The following PRR23E variants were observed in gnomAD, a reference collection of about 807,000 sequenced individuals.
The protein encoded by PRR23E is PRR23 family member E.
the PRR23E span, chr3:127,196,658 G>A: frequency 6.4e-7 from 1 of 1,556,556 alleles, no homozygotes; most frequent in South Asian, 1.2e-5. Flanking sequence ...AGACACTTCG[G>A]GGCTTTGAAG....
the PRR23E span, chr3:127,196,991 G>T: frequency 4.4e-6 from 7 of 1,599,202 alleles, no homozygotes; most frequent in Admixed American, 1.0e-4. Context: ...CTTCAGTGTG[G>T]CTGTATTGGA....
the PRR23E span, chr3:127,197,578 A>C: frequency 2.6e-6 from 1 of 380,904 alleles, no homozygotes; most frequent in Non-Finnish European, 4.0e-6. Flanking sequence ...TCTATTTGCT[A>C]TTTCTCTTTA....
the PRR23E span, chr3:127,196,783 C>T: frequency 2.5e-6 from 4 of 1,597,548 alleles, no homozygotes; most frequent in South Asian, 3.3e-5. Context: ...GCCTCAACCC[C>T]CTGGGTGGCC....
At chr3:127,197,428 C>A in the PRR23E span, 1 of 1,490,736 alleles carries the variant, frequency 6.7e-7, no homozygotes, top group Non-Finnish European at 8.9e-7. Flanking sequence ...GCCCTCTAGA[C>A]CCAGACCCAC....
chr3:127,197,445 A>C, the PRR23E span: 10 of 1,455,472 alleles, frequency 6.9e-6, no homozygotes, highest in African/African-American at 1.4e-5. Context: ...CCACCCAACA[A>C]TCAGAGACAT....
At chr3:127,197,389 CCCGCCG>C in the PRR23E span, 13 of 1,558,094 alleles carry the variant, frequency 8.3e-6, no homozygotes, top group Non-Finnish European at 1.1e-5. Flanking sequence ...CCCTGCAGGG[CCCGCCG>C]CCGCCTCTTT....
At chr3:127,196,958 TC>T in the PRR23E span, 1 of 1,599,406 alleles carries the variant, frequency 6.3e-7, no homozygotes. Flanking sequence ...GGATGGGTTA[TC>T]CCCCTCCAGC....
At chr3:127,197,163 A>G in the PRR23E span, 1 of 1,591,102 alleles carries the variant, frequency 6.3e-7, no homozygotes. Flanking sequence ...GGGATGCTGG[A>G]CTCCAGCCAG....
At chr3:127,197,818 C>G in the PRR23E span, 19 of 158,416 alleles carry the variant, frequency 1.2e-4, no homozygotes, top group Non-Finnish European at 2.2e-4. Context: ...CCAGGACTCT[C>G]TCTGCCCCTC....
chr3:127,197,145 C>G, the PRR23E span: 1 of 1,594,906 alleles, frequency 6.3e-7, no homozygotes. Flanking sequence ...CAGCCACTGT[C>G]CCCAGGTGGG....
chr3:127,196,604 C>T, the PRR23E span: 26 of 1,464,166 alleles, frequency 1.8e-5, no homozygotes, highest in African/African-American at 7.0e-5. Context: ...CCAGGAGCCC[C>T]GTGAGGTGCG....
chr3:127,197,443 C>T, the PRR23E span: 2 of 1,470,438 alleles, frequency 1.4e-6, no homozygotes, highest in East Asian at 2.4e-5. Flanking sequence ...ACCCACCCAA[C>T]AATCAGAGAC....
the PRR23E span, chr3:127,197,354 C>T: frequency 6.3e-7 from 1 of 1,589,898 alleles, no homozygotes. Flanking sequence ...TGGACCCGGG[C>T]TGCTCCCGCT....
chr3:127,197,735 T>C, the PRR23E span: 7 of 210,760 alleles, frequency 3.3e-5, no homozygotes, highest in Non-Finnish European at 6.6e-5. Flanking sequence ...TTAAGCTCAA[T>C]CCAACCTGTA....
chr3:127,197,192 C>G, the PRR23E span: 1 of 1,593,686 alleles, frequency 6.3e-7, no homozygotes, highest in Non-Finnish European at 8.5e-7. Flanking sequence ...CCAGGGCTGC[C>G]GTAGAGGGGC....
the PRR23E span, among the ~76,000 whole-genome samples, chr3:127,196,004 G>C: frequency 1.3e-5 from 2 of 152,130 alleles, no homozygotes; most frequent in Non-Finnish European, 2.9e-5. Flanking sequence ...TCCTCACTGT[G>C]TCAGGTGTGG....
the PRR23E span, among the ~76,000 whole-genome samples, chr3:127,195,172 C>G: frequency 6.6e-6 from 1 of 152,178 alleles, no homozygotes; most frequent in African/African-American, 2.4e-5. Flanking sequence ...CCACTCAGCC[C>G]ACACACACCT....
chr3:127,194,707 T>C, the PRR23E span, among the ~76,000 whole-genome samples: 1 of 152,182 alleles, frequency 6.6e-6, no homozygotes, highest in Non-Finnish European at 1.5e-5. Flanking sequence ...ATTTGGTCAG[T>C]GGTCCACATC....
the PRR23E span, chr3:127,197,399 C>A: frequency 6.4e-7 from 1 of 1,556,886 alleles, no homozygotes; most frequent in South Asian, 1.2e-5. Flanking sequence ...CCCGCCGCCG[C>A]CTCTTTGAGT....
Sources: gnomAD v4.1 joint callset for allele counts (sites outside exome capture counted in the v4.1 genomes callset) on GRCh38, gnomAD v4.1.1 for gene constraint, MANE v1.5 for transcripts, NCBI Gene and HGNC (gene_info 2026-07-23, HGNC 2026-07-21) for gene names.